Variants in RALA observed in about 807,000 individuals in gnomAD.
RALA encodes ras-related protein Ral-A.
Under a neutral mutation model 24.0 loss-of-function variants are expected in RALA, and 5 were observed. The observed-to-expected ratio is 0.21, with a 90% CI of 0.11 to 0.44. RALA has a LOEUF of 0.44. Among genes scored for constraint, RALA ranks in the 20% least tolerant of loss-of-function variants. The pLI is 0.99. For missense variants in RALA, 95 were observed against 241.2 expected, an observed-to-expected ratio of 0.39 and a Z score of 4.01; for synonymous variants, 77 against 83.8, an observed-to-expected ratio of 0.92 and a Z score of 0.44.
At chr7:39,681,687 T>G (rs75304575) in intron 1 of RALA, among the ~76,000 whole-genome samples, 3,756 of 152,210 alleles carry the variant, frequency 0.025, 89 homozygotes, top group East Asian at 0.14. Flanking sequence ...CTTTGCCACT[T>G]TCTCGTATCT....
intron 1 of RALA, among the ~76,000 whole-genome samples, chr7:39,680,058 A>G (rs1298603704): frequency 6.6e-6 from 1 of 152,010 alleles, no homozygotes; most frequent in East Asian, 1.9e-4. Context: ...GTAATACTTT[A>G]GACCTTCCCC....
chr7:39,657,487 T>G (rs1310082389), intron 1 of RALA, among the ~76,000 whole-genome samples: 5 of 152,164 alleles, frequency 3.3e-5, no homozygotes, highest in African/African-American at 1.2e-4. Flanking sequence ...TGGAAAGAAA[T>G]AGACTAGTAT....
At chr7:39,668,217 A>T (rs1792316808) in intron 1 of RALA, among the ~76,000 whole-genome samples, 2 of 152,248 alleles carry the variant, frequency 1.3e-5, no homozygotes, top group Non-Finnish European at 2.9e-5. Context: ...GCCAGTAGGG[A>T]TACTAGCAAT....
At chr7:39,628,646 C>T (rs1791538615) in intron 1 of RALA, among the ~76,000 whole-genome samples, 1 of 152,244 alleles carries the variant, frequency 6.6e-6, no homozygotes, top group Non-Finnish European at 1.5e-5. Flanking sequence ...GCCTCCACCT[C>T]CCAGGTTCAA....
At position 39,661,992 on chromosome 7, in the gene RALA, C is replaced by G. The variant is rs192897477; in HGVS notation, c.-37-24639C>G. ...CTTGACTTCTGTGCACTCACAGGCT[C>G]AACAACACGTGGAAGCAGCTGCCAA... On this transcript the variant is annotated intron_variant, in intron 1 of 4. Transcript: ENST00000005257. Among the ~76,000 whole-genome samples the G allele has an allele frequency of 5.6e-4, 85 of 152,308 alleles. 1 individual carries two copies. The highest frequency in any genetic ancestry group is 2.0e-3 in the African/African-American group (84 of 41,558).
At chr7:39,659,501 A>G (rs1198999324) in intron 1 of RALA, among the ~76,000 whole-genome samples, 1 of 152,126 alleles carries the variant, frequency 6.6e-6, no homozygotes, top group Non-Finnish European at 1.5e-5. Context: ...AAAGGAGTTA[A>G]CAGTAGTGAG....
At chr7:39,669,757 A>G (rs1420983663) in intron 1 of RALA, among the ~76,000 whole-genome samples, 2 of 151,660 alleles carry the variant, frequency 1.3e-5, no homozygotes, top group Non-Finnish European at 2.9e-5. Flanking sequence ...AGTGAGGTAT[A>G]ATAGCACCAC....
intron 4 of RALA, among the ~76,000 whole-genome samples, chr7:39,698,239 T>C (rs1792957325): frequency 6.6e-6 from 1 of 152,164 alleles, no homozygotes; most frequent in African/African-American, 2.4e-5. Flanking sequence ...CCATCTCTTA[T>C]TGCCATCACA....
intron 1 of RALA, among the ~76,000 whole-genome samples, chr7:39,635,098 CCAGCACTTTGGG>C (rs1280308440): frequency 1.3e-5 from 2 of 152,124 alleles, no homozygotes; most frequent in African/African-American, 4.8e-5. Flanking sequence ...GCCTGTAATT[CCAGCACTTTGGG>C]CAGCCAAGGC....
Position 39,631,430 on chromosome 7 carries a change from C to T in RALA, c.-38+7605C>T, listed in dbSNP as rs146158090. Reference sequence around the variant, plus strand: ...CTGGAGTGCAGTGGTGCCATCATAGCTCACTGCAGCCTTGAACTCCTGGGC... The same window carrying T: ...CTGGAGTGCAGTGGTGCCATCATAGTTCACTGCAGCCTTGAACTCCTGGGC... On this transcript the variant is annotated intron_variant, in intron 1 of 4. Transcript: ENST00000005257. Among the ~76,000 whole-genome samples, 1,267 of 152,176 alleles carry T rather than the reference C, an allele frequency of 8.3e-3. 14 individuals are homozygous for T. Among genetic ancestry groups the T allele is most frequent in the African/African-American group, 0.029 (1,187 of 41,508 alleles).
intron 1 of RALA, among the ~76,000 whole-genome samples, chr7:39,661,666 C>G (rs1231745022): frequency 6.6e-6 from 1 of 152,208 alleles, no homozygotes; most frequent in African/African-American, 2.4e-5. Context: ...GTGGCTTTGC[C>G]AGGTACAGCC....
chr7:39,677,098 G>A lies in RALA; in HGVS notation c.-37-9533G>A, dbSNP rs949461018. Among the ~76,000 whole-genome samples the A allele has an allele frequency of 3.9e-5, 6 of 152,348 alleles. No individual in the cohort carries two copies. The East Asian group carries it at 1.2e-3, about 29-fold the overall frequency. On this transcript the variant is annotated intron_variant, in intron 1 of 4. Transcript: ENST00000005257. ...TTTGGCTAAAGTAGAGGAGAAGGTA[G>A]TATGGCCACAGAAGCAGAGTGGTGC...
rs1452662170 is a variant in RALA at position 39,707,969 on chromosome 7, A to G, written c.*1724A>G. The G allele has an allele frequency of 6.6e-6, 1 of 152,648 alleles. No homozygotes were observed. The highest frequency in any genetic ancestry group is 2.4e-5 in the African/African-American group (1 of 41,458). The allele number at this position is 152,648 out of a possible 1,614,324, so 9.5% of individuals were successfully genotyped here. On this transcript the variant is annotated 3_prime_UTR_variant, in exon 5 of 5. Transcript: ENST00000005257. ...AGGGGTCCTAACCACTAACATTGTGACTTTGCTTTGAGACCTTTCCTCTCC... is the reference window on the plus strand; with the variant it reads ...AGGGGTCCTAACCACTAACATTGTGGCTTTGCTTTGAGACCTTTCCTCTCC...
At chr7:39,692,738 A>C (rs1458360106) in intron 3 of RALA, among the ~76,000 whole-genome samples, 5 of 152,192 alleles carry the variant, frequency 3.3e-5, no homozygotes, top group Admixed American at 3.3e-4. Flanking sequence ...CCTGACTCAG[A>C]GTAGCTTAGT....
At chr7:39,631,040 C>G (rs1029055026) in intron 1 of RALA, among the ~76,000 whole-genome samples, 5 of 148,942 alleles carry the variant, frequency 3.4e-5, no homozygotes, top group African/African-American at 1.2e-4. Context: ...CAGAGTTTCA[C>G]TGTGTCACCC....
intron 3 of RALA, among the ~76,000 whole-genome samples, chr7:39,695,785 T>C (rs1792908325): frequency 6.6e-6 from 1 of 152,220 alleles, no homozygotes; most frequent in African/African-American, 2.4e-5. Flanking sequence ...CTTACGTTCC[T>C]ATAGCTTCAA....
At chr7:39,692,323 G>A (rs1272545364) in intron 3 of RALA, among the ~76,000 whole-genome samples, 5 of 152,002 alleles carry the variant, frequency 3.3e-5, no homozygotes, top group Admixed American at 3.3e-4. Flanking sequence ...TCCTGTCTCA[G>A]TATCCCCAGT....
At chr7:39,630,285 C>G (rs1310374804) in intron 1 of RALA, among the ~76,000 whole-genome samples, 4 of 142,380 alleles carry the variant, frequency 2.8e-5, no homozygotes, top group Non-Finnish European at 4.5e-5. Context: ...CTCCTGGGCT[C>G]AAGCAGTCTG....
chr7:39,664,921 A>C (rs1489559454), intron 1 of RALA, among the ~76,000 whole-genome samples: 2 of 152,154 alleles, frequency 1.3e-5, no homozygotes, highest in African/African-American at 4.8e-5. Flanking sequence ...CCATAAAACA[A>C]AGTGATGTTA....
Sources: allele counts gnomAD v4.1 joint callset (sites outside exome capture counted in the v4.1 genomes callset), GRCh38; gene constraint gnomAD v4.1.1; transcripts MANE v1.5; gene names NCBI Gene and HGNC (gene_info 2026-07-23, HGNC 2026-07-21).